PRORP: variants seen among roughly 807,000 people sequenced by gnomAD.
PRORP encodes mitochondrial ribonuclease P catalytic subunit.
PRORP carries 51 observed loss-of-function variants against 59.4 expected under a neutral mutation model. The observed-to-expected ratio is 0.86, with a 90% CI of 0.69 to 1.08. The LOEUF is 1.08. Among genes scored for constraint, PRORP ranks in the 50% least tolerant of loss-of-function variants. The pLI is 0.00. For missense variants in PRORP, 646 were observed against 690.3 expected, an observed-to-expected ratio of 0.94 and a Z score of 0.72; for synonymous variants, 231 against 245.6, an observed-to-expected ratio of 0.94 and a Z score of 0.55.
intron 4 of PRORP, among the ~76,000 whole-genome samples, chr14:35,135,819 G>A (rs988872668): frequency 1.3e-5 from 2 of 152,030 alleles, no homozygotes; most frequent in South Asian, 2.1e-4. Flanking sequence ...TTAGCTGGTC[G>A]TGGTGGCGTG....
At position 35,266,858 on chromosome 14, in the gene PRORP, T is replaced by C; in HGVS notation, c.1407T>C (p.Cys469=). 1 of 1,614,080 alleles carries C rather than the reference T, an allele frequency of 6.2e-7. No individual in the cohort carries two copies. The highest frequency in any genetic ancestry group is 8.5e-7 in the Non-Finnish European group (1 of 1,179,992). The change falls in exon 6 of 8, where the codon TGT becomes TGC. Residue 469 remains cysteine, a synonymous_variant. Coordinates refer to ENST00000534898, the MANE Select transcript of PRORP (RefSeq NM_014672.4). ...AAGAGGTGCAAAAGCAAGCCAGCTGTTTTTTTGCTGATGACATGTAAGTGT... is the reference window on the plus strand; with the variant it reads ...AAGAGGTGCAAAAGCAAGCCAGCTGCTTTTTTGCTGATGACATGTAAGTGT... The part of the protein sequence containing the change: ...EMEEVQKQAS[C]FFADDISEDD...
At chr14:35,253,740 G>T (rs528777578) in intron 5 of PRORP, among the ~76,000 whole-genome samples, 2 of 152,148 alleles carry the variant, frequency 1.3e-5, no homozygotes, top group Admixed American at 1.3e-4. Flanking sequence ...GTACATAGCT[G>T]CTCCCTCCTT....
At chr14:35,222,752 G>C (rs2049822130) in intron 5 of PRORP, 2 of 152,142 alleles carry the variant, frequency 1.3e-5, no homozygotes, top group Admixed American at 6.5e-5. Flanking sequence ...AAAAACAATA[G>C]GTAGCCAAAA....
chr14:35,270,214 A>T (rs181655204), intron 6 of PRORP, among the ~76,000 whole-genome samples, 187 bp from the exon 7 acceptor site: 2 of 152,296 alleles, frequency 1.3e-5, no homozygotes, highest in East Asian at 3.9e-4. Context: ...TCAGCTTTCC[A>T]TCTGTGTTCT....
At chr14:35,165,900 G>A (rs1351118917) in intron 4 of PRORP, among the ~76,000 whole-genome samples, 1 of 151,988 alleles carries the variant, frequency 6.6e-6, no homozygotes, top group Non-Finnish European at 1.5e-5. Flanking sequence ...GGCTGGTCTT[G>A]AACTCCTGGC....
intron 4 of PRORP, among the ~76,000 whole-genome samples, chr14:35,147,164 T>TA (rs918702924): frequency 9.2e-5 from 14 of 152,120 alleles, no homozygotes; most frequent in Non-Finnish European, 1.9e-4. Flanking sequence ...GCATTATGTC[T>TA]AAAAAAATAT....
intron 4 of PRORP, among the ~76,000 whole-genome samples, chr14:35,134,032 T>C (rs2047314884): frequency 6.6e-6 from 1 of 152,202 alleles, no homozygotes; most frequent in Non-Finnish European, 1.5e-5. Context: ...CAGCAGTTGG[T>C]AAAGCCAGCC....
intron 5 of PRORP, among the ~76,000 whole-genome samples, chr14:35,226,170 C>T (rs1026475768): frequency 3.9e-5 from 6 of 152,094 alleles, no homozygotes; most frequent in Admixed American, 1.3e-4. Context: ...TGGTGTTAGC[C>T]ATGTAAGCTT....
intron 4 of PRORP, among the ~76,000 whole-genome samples, chr14:35,164,478 C>A (rs1300438356): frequency 6.6e-6 from 1 of 152,192 alleles, no homozygotes; most frequent in African/African-American, 2.4e-5. Context: ...AAGTCATGTC[C>A]TTCACAGCAA....
rs770307728 is a variant in PRORP at position 35,162,647 on chromosome 14, G to A, written c.1168-18023G>A. Among the ~76,000 whole-genome samples, 26 of 151,238 alleles carry A rather than the reference G, an allele frequency of 1.7e-4. 1 individual carries two copies. Among genetic ancestry groups the A allele is most frequent in the Middle Eastern group, 3.4e-3 (1 of 294 alleles). On this transcript the variant is annotated intron_variant, in intron 4 of 7. Coordinates refer to ENST00000534898, the MANE Select transcript of PRORP (RefSeq NM_014672.4). ...TCTCTATGTATACTTTAAAATATTCGAATTTGTCAGACTTTCCTTTTATGG... is the reference window on the plus strand; with the variant it reads ...TCTCTATGTATACTTTAAAATATTCAAATTTGTCAGACTTTCCTTTTATGG...
chr14:35,165,497 T>C (rs2048161220), intron 4 of PRORP, among the ~76,000 whole-genome samples: 1 of 152,210 alleles, frequency 6.6e-6, no homozygotes, highest in Non-Finnish European at 1.5e-5. Flanking sequence ...AATTTTTGTT[T>C]CTTAATAGCA....
At chr14:35,172,457 T>TTCCTTCC (rs1555324977) in intron 4 of PRORP, among the ~76,000 whole-genome samples, 71 of 35,182 alleles carry the variant, frequency 2.0e-3, no homozygotes, top group East Asian at 3.8e-3. Flanking sequence ...TCCTTCCTTC[T>TTCCTTCC]TTCTTTCTTT....
Position 35,123,495 on chromosome 14 carries a change from T to G in PRORP, c.250T>G (p.Phe84Val), listed in dbSNP as rs2046999084. The change falls in exon 2 of 8, where the codon TTT becomes GTT. Residue 84 changes from phenylalanine (F) to valine (V), a missense_variant. By Grantham distance (50) the Phe-to-Val change is conservative (BLOSUM62 -1). Transcript: ENST00000534898. The stretch of plus-strand genomic sequence containing the variant: ...TAAGCAAGTTTATTCTGTTCCTCAT[T>G]TTTTTTTAGCTGGAGCAGCTAAGGA... ...SNKQVYSVPH[F>V]FLAGAAKERS... is the part of the protein sequence containing the mutation. 9 of 1,613,672 alleles carry G rather than the reference T, an allele frequency of 5.6e-6. No individual in the cohort carries two copies. The highest frequency in any genetic ancestry group is 7.6e-6 in the Non-Finnish European group (9 of 1,179,766).
intron 5 of PRORP, among the ~76,000 whole-genome samples, chr14:35,198,587 T>C (rs1479149584): frequency 6.6e-6 from 1 of 152,266 alleles, no homozygotes; most frequent in Non-Finnish European, 1.5e-5. Context: ...GACCTTGTTT[T>C]AAAATTTTAT....
intron 5 of PRORP, among the ~76,000 whole-genome samples, chr14:35,246,749 A>C (rs890081406): frequency 6.6e-6 from 1 of 152,154 alleles, no homozygotes; most frequent in Non-Finnish European, 1.5e-5. Flanking sequence ...ACTCCTACCA[A>C]GTGTTGACAG....
intron 5 of PRORP, among the ~76,000 whole-genome samples, chr14:35,215,293 T>G (rs1194379753): frequency 1.3e-5 from 2 of 152,188 alleles, no homozygotes; most frequent in African/African-American, 4.8e-5. Context: ...CTTTAGCATC[T>G]TCTTGAAAGG....
At chr14:35,179,207 C>A (rs2048534401) in intron 4 of PRORP, among the ~76,000 whole-genome samples, 1 of 152,158 alleles carries the variant, frequency 6.6e-6, no homozygotes, top group African/African-American at 2.4e-5. Flanking sequence ...GTGAATCTGA[C>A]AATTATGTAT....
chr14:35,132,025 C>T (rs1220608533), intron 4 of PRORP, among the ~76,000 whole-genome samples: 2 of 150,544 alleles, frequency 1.3e-5, no homozygotes, highest in Non-Finnish European at 3.0e-5. Context: ...TTTTTAGTAG[C>T]GACGGGTTTC....
intron 5 of PRORP, among the ~76,000 whole-genome samples, chr14:35,183,462 T>C (rs1039351713): frequency 6.6e-6 from 1 of 152,174 alleles, no homozygotes; most frequent in African/African-American, 2.4e-5. Context: ...CTGTGTCTTG[T>C]GGATGTACAA....
Sources: gnomAD v4.1 joint callset for allele counts (sites outside exome capture counted in the v4.1 genomes callset) on GRCh38, gnomAD v4.1.1 for gene constraint, MANE v1.5 for transcripts, NCBI Gene and HGNC (gene_info 2026-07-23, HGNC 2026-07-21) for gene names.